Variants in SCAMP2 observed in about 807,000 individuals in gnomAD.
SCAMP2 encodes the protein secretory carrier-associated membrane protein 2.
In SCAMP2, 25 loss-of-function variants were observed where a neutral mutation model predicts 44.1. That is an observed-to-expected ratio of 0.57 (90% CI 0.41 to 0.79). SCAMP2 has a LOEUF of 0.79. Ranked by LOEUF, SCAMP2 falls within the 30% of genes least tolerant of loss-of-function variation. The probability of loss-of-function intolerance (pLI) is 0.00; values close to 1 mark genes in which losing one functional copy is unlikely to be tolerated. For missense variants in SCAMP2, 355 were observed against 411.0 expected, an observed-to-expected ratio of 0.86 and a Z score of 1.18; for synonymous variants, 156 against 166.0, an observed-to-expected ratio of 0.94 and a Z score of 0.46.
intron 1 of SCAMP2, among the ~76,000 whole-genome samples, chr15:74,864,435 G>C (rs116736127): frequency 9.2e-5 from 14 of 152,132 alleles, no homozygotes; most frequent in African/African-American, 3.1e-4. Flanking sequence ...TGTGTGGAGA[G>C]AAGAGTCTGG....
Position 74,850,538 on chromosome 15 carries a change from T to G in SCAMP2, c.608A>C (p.Tyr203Ser), listed in dbSNP as rs761352763. The G allele has an allele frequency of 6.2e-7, 1 of 1,613,988 alleles. No homozygotes were observed. The highest frequency in any genetic ancestry group is 8.5e-7 in the Non-Finnish European group (1 of 1,179,936). ...CCTAAAGGCCTTATAGATGGGTCGGTACCAACAAAGGAAGGCACAGGGAGT... is the reference window on the plus strand; with the variant it reads ...CCTAAAGGCCTTATAGATGGGTCGGGACCAACAAAGGAAGGCACAGGGAGT... ...IFTPCAFLCWYRPIYKAFRSD... is the reference protein window; with the variant it reads ...IFTPCAFLCWSRPIYKAFRSD... The change falls in exon 6 of 9, where the codon TAC (tyrosine) becomes TCC (serine). Residue 203 changes from tyrosine (Y) to serine (S), a missense_variant. Tyr to Ser is a moderately radical substitution (Grantham distance 144). Transcript: ENST00000268099.
At position 74,851,345 on chromosome 15, in the gene SCAMP2, G is replaced by T. The variant is rs756492671; in HGVS notation, c.472+8C>A. The T allele has an allele frequency of 6.2e-7, 1 of 1,612,696 alleles. No homozygotes were observed. Among genetic ancestry groups the T allele is most frequent in the Non-Finnish European group, 8.5e-7 (1 of 1,178,980 alleles). On this transcript the variant is annotated splice_region_variant and intron_variant, in intron 5 of 8. Coordinates refer to ENST00000268099, the MANE Select transcript of SCAMP2 (RefSeq NM_005697.5). Reference sequence around the variant, plus strand: ...CCCTTGCGCTTGGAAGGCAGGAGTGGGACTCACACATCCACAGATAGTAGA... The same window carrying T: ...CCCTTGCGCTTGGAAGGCAGGAGTGTGACTCACACATCCACAGATAGTAGA...
In SCAMP2 at chr15:74,844,967, G is replaced by T; in HGVS notation, c.*116C>A. 8.0e-7 allele frequency: 1 copy of T among 1,254,740 alleles called. No homozygotes were observed. Among genetic ancestry groups the T allele is most frequent in the Non-Finnish European group, 1.1e-6 (1 of 907,742 alleles). The allele number at this position is 1,254,740 out of a possible 1,614,324, so 77.7% of individuals were successfully genotyped here. The stretch of plus-strand genomic sequence containing the variant: ...CGCTGAGGGAGGAGGAAGAGCCACG[G>T]CAAGAACCCTGCCAGGTCTGTGCTG... On this transcript the variant is annotated 3_prime_UTR_variant, in exon 9 of 9. Transcript: ENST00000268099.
chr15:74,846,549 G>T (rs958774287), intron 7 of SCAMP2, among the ~76,000 whole-genome samples: 5 of 152,108 alleles, frequency 3.3e-5, no homozygotes, highest in African/African-American at 1.2e-4. Flanking sequence ...GGATCACGAG[G>T]TCAGCAGATC....
intron 1 of SCAMP2, among the ~76,000 whole-genome samples, chr15:74,858,975 C>CT (rs1235056796): frequency 1.3e-5 from 2 of 151,640 alleles, no homozygotes; most frequent in Admixed American, 6.6e-5. Context: ...CGCCCGGCTA[C>CT]TTTTTTTGTA....
intron 1 of SCAMP2, among the ~76,000 whole-genome samples, chr15:74,860,072 G>C (rs2064492930): frequency 6.6e-6 from 1 of 152,034 alleles, no homozygotes; most frequent in Non-Finnish European, 1.5e-5. Context: ...ATCAGCCTGG[G>C]CAACATAGCG....
chr15:74,871,597 A>G (rs2141184383), intron 1 of SCAMP2, among the ~76,000 whole-genome samples: 1 of 152,168 alleles, frequency 6.6e-6, no homozygotes, highest in African/African-American at 2.4e-5. Context: ...TACTAAAAAT[A>G]CAAAATTAGC....
intron 1 of SCAMP2, 52 bp downstream of exon 1, chr15:74,873,147 G>T: frequency 7.2e-7 from 1 of 1,381,380 alleles, no homozygotes; most frequent in South Asian, 1.6e-5. Flanking sequence ...CCGGGCGGCG[G>T]CCGTGGGCCC....
In SCAMP2 at chr15:74,848,701, C is replaced by T. The variant is rs145651320; in HGVS notation, c.633G>A (p.Arg211=). The T allele has an allele frequency of 2.5e-6, 4 of 1,609,534 alleles. No homozygotes were observed. Among genetic ancestry groups the T allele is most frequent in the Non-Finnish European group, 3.4e-6 (4 of 1,176,272 alleles). ...CWYRPIYKAF[R]SDNSFSFFVF... is the part of the protein sequence containing the mutation. Reference sequence around the variant, plus strand: ...CAAAGAAGCTGAAAGAGTTGTCGGACCTGTGGAGAGAGAGGGAAATAAGTC... The same window carrying T: ...CAAAGAAGCTGAAAGAGTTGTCGGATCTGTGGAGAGAGAGGGAAATAAGTC... Residue 211 remains arginine, a splice_region_variant and synonymous_variant, in exon 7 of 9, where the codon AGG becomes AGA. Transcript: ENST00000268099.
chr15:74,866,900 G>A (rs1484539569), intron 1 of SCAMP2, among the ~76,000 whole-genome samples: 1 of 151,420 alleles, frequency 6.6e-6, no homozygotes, highest in African/African-American at 2.4e-5. Context: ...GGGTTCAAGC[G>A]ATTCTCCTGC....
At chr15:74,851,314 A>G in intron 5 of SCAMP2, 39 bp downstream of exon 5, 6 of 1,606,580 alleles carry the variant, frequency 3.7e-6, no homozygotes, top group Non-Finnish European at 5.1e-6. Context: ...AGTCACACCC[A>G]ATTCGCCCTT....
chr15:74,873,082 A>G (rs1185500148), intron 1 of SCAMP2, 117 bp downstream of exon 1: 1 of 896,848 alleles, frequency 1.1e-6, no homozygotes, highest in Non-Finnish European at 1.6e-6. Flanking sequence ...CCGCTCTCCC[A>G]TTGGGCAGAT....
intron 1 of SCAMP2, among the ~76,000 whole-genome samples, chr15:74,855,014 G>A (rs2064459352): frequency 6.6e-6 from 1 of 151,044 alleles, no homozygotes; most frequent in African/African-American, 2.4e-5. Context: ...TGAGGGGCAA[G>A]TGAATGGGGT....
rs544310136 is a variant in SCAMP2 at position 74,851,742 on chromosome 15, TTTA to T, written c.344-264_344-262del. On this transcript the variant is annotated intron_variant, in intron 4 of 8. Coordinates refer to ENST00000268099, the MANE Select transcript of SCAMP2 (RefSeq NM_005697.5). The stretch of plus-strand genomic sequence containing the variant: ...CAGCTAAATGGCCTAAGTGATTATT[TTTA>T]TTAACAAGCAGCCCATAAGTGTGAG... Among the ~76,000 whole-genome samples the T allele has an allele frequency of 1.9e-4, 29 of 152,320 alleles. No individual in the cohort carries two copies. In the South Asian group the frequency reaches 6.0e-3, roughly 32 times the overall value.
At chr15:74,852,042 G>T in intron 4 of SCAMP2, 27 bp downstream of exon 4, 3 of 1,494,080 alleles carry the variant, frequency 2.0e-6, no homozygotes, top group Non-Finnish European at 2.7e-6. Context: ...AGGCAGGGCA[G>T]CCCCAGGCCC....
chr15:74,864,834 C>T (rs1164010213), intron 1 of SCAMP2, among the ~76,000 whole-genome samples: 1 of 152,000 alleles, frequency 6.6e-6, no homozygotes, highest in East Asian at 1.9e-4. Context: ...CGCCTGTAAT[C>T]CCAGCACTTT....
At chr15:74,861,915 A>AG (rs2064507284) in intron 1 of SCAMP2, among the ~76,000 whole-genome samples, 1 of 149,144 alleles carries the variant, frequency 6.7e-6, no homozygotes, top group African/African-American at 2.5e-5. Flanking sequence ...AAAAAAAAAA[A>AG]AAAAAGAAAG....
chr15:74,861,044 G>A (rs1345974461), intron 1 of SCAMP2, among the ~76,000 whole-genome samples: 7 of 151,458 alleles, frequency 4.6e-5, no homozygotes, highest in African/African-American at 1.5e-4. Context: ...GCATGGTGGC[G>A]GGTGCCTGTA....
rs1410930509 is a variant in SCAMP2 at position 74,859,102 on chromosome 15, C to T, written c.58-4453G>A. Among the ~76,000 whole-genome samples, 3 of 152,032 alleles carry T rather than the reference C, an allele frequency of 2.0e-5. 1 individual carries two copies. The highest frequency in any genetic ancestry group is 7.2e-5 in the African/African-American group (3 of 41,402). The stretch of plus-strand genomic sequence containing the variant: ...GGATTCAGGCGTGAGCCACCATGCC[C>T]GGTCCTAACTGGCTTTTAAATGGGT... On this transcript the variant is annotated intron_variant, in intron 1 of 8. Coordinates refer to ENST00000268099, the MANE Select transcript of SCAMP2 (RefSeq NM_005697.5).
Sources: allele counts gnomAD v4.1 joint callset (sites outside exome capture counted in the v4.1 genomes callset), GRCh38; gene constraint gnomAD v4.1.1; transcripts MANE v1.5; gene names NCBI Gene and HGNC (gene_info 2026-07-23, HGNC 2026-07-21).